The following PLCH2 variants were observed in gnomAD, a reference collection of about 807,000 sequenced individuals.
PLCH2 encodes phospholipase C eta 2.
A neutral mutation model predicts 134.7 loss-of-function variants in PLCH2; 98 were observed. That is an observed-to-expected ratio of 0.73 (90% CI 0.62 to 0.86). The LOEUF is 0.86. Ranked by LOEUF, PLCH2 falls within the 40% of genes least tolerant of loss-of-function variation. The probability of loss-of-function intolerance (pLI) is 0.00; values close to 1 mark genes in which losing one functional copy is unlikely to be tolerated. For synonymous variants in PLCH2, 974 were observed against 827.5 expected (o/e 1.18, Z -3.04); for missense variants, 1,994 against 1,986.6 (o/e 1.00, Z -0.07).
Position 2,498,377 on chromosome 1 carries a change from TG to T in PLCH2, c.2225-144del. 1 of 867,868 alleles carries T rather than the reference TG, an allele frequency of 1.2e-6. No individual in the cohort carries two copies. Among genetic ancestry groups the T allele is most frequent in the Non-Finnish European group, 1.7e-6 (1 of 572,954 alleles). The allele number at this position is 867,868 out of a possible 1,614,324, so 53.8% of individuals were successfully genotyped here. A position where few individuals can be genotyped will look rare whatever the true frequency, so the allele number is the denominator to read the frequency against. On this transcript the variant is annotated intron_variant, in intron 16 of 21. Coordinates refer to ENST00000378486, the MANE Select transcript of PLCH2 (RefSeq NM_014638.4). The surrounding 1 kb of genome is among the most constrained non-coding windows in gnomAD (Gnocchi z 5.4). ...CCAGGTGCACCCCGAGGTGCCCCCC[TG>T]GACCACTGCCTCCCTCCCTCCCCCT...
intron 10 of PLCH2, among the ~76,000 whole-genome samples, chr1:2,490,983 C>T (rs552761046): frequency 6.6e-6 from 1 of 152,346 alleles, no homozygotes; most frequent in East Asian, 1.9e-4. Context: ...ACAGGCTCTG[C>T]TGGGGGCCGC....
At chr1:2,456,231 C>T (rs1009657679) in intron 2 of PLCH2, among the ~76,000 whole-genome samples, 12 of 152,130 alleles carry the variant, frequency 7.9e-5, no homozygotes, top group African/African-American at 1.2e-4. Context: ...CAGTTTCTCC[C>T]GGGCCTTTGT....
At chr1:2,433,399 C>T (rs908079000) in intron 2 of PLCH2, among the ~76,000 whole-genome samples, 12 of 152,188 alleles carry the variant, frequency 7.9e-5, no homozygotes, top group East Asian at 1.9e-4. Flanking sequence ...GAGGCCCATC[C>T]GGGCCGGTGT....
chr1:2,465,735 G>A (rs1998759), upstream of PLCH2, among the ~76,000 whole-genome samples: 45,843 of 152,142 alleles, frequency 0.3, 7,094 homozygotes, highest in Admixed American at 0.38. Flanking sequence ...CGCAGGCCGC[G>A]GTGACGGAAA....
Position 2,484,449 on chromosome 1 carries a change from A to C in PLCH2, c.647A>C (p.Glu216Ala), listed in dbSNP as rs1372133136. ...GGGACCCAAGGCCTTGCATTGCAGGAAGCGGACACGGATGACCACCAAGGG... is the reference window on the plus strand; with the variant it reads ...GGGACCCAAGGCCTTGCATTGCAGGCAGCGGACACGGATGACCACCAAGGG... ...PRQRVKQMFR[E>A]ADTDDHQGTL... is the part of the protein sequence containing the mutation. The change falls in exon 5 of 22, where the codon GAA becomes GCA. Residue 216 changes from glutamate (E) to alanine (A), a missense_variant and splice_region_variant. Around this residue, in one of 2 missense-constraint regions of PLCH2, gnomAD observed 1,094 missense variants for 1,234.3 expected, o/e 0.89. Coordinates refer to ENST00000378486, the MANE Select transcript of PLCH2 (RefSeq NM_014638.4). 1 of 1,613,076 alleles carries C rather than the reference A, an allele frequency of 6.2e-7. No individual in the cohort carries two copies. Among genetic ancestry groups the C allele is most frequent in the Non-Finnish European group, 8.5e-7 (1 of 1,179,682 alleles).
intron 2 of PLCH2, among the ~76,000 whole-genome samples, chr1:2,478,897 G>A (rs769719644): frequency 1.3e-5 from 2 of 152,146 alleles, no homozygotes; most frequent in African/African-American, 2.4e-5. Context: ...GGAAGGAGGG[G>A]CACAGCATAG....
In PLCH2 at chr1:2,497,061, C is replaced by T. The variant is rs572197839; in HGVS notation, c.2116+51C>T. On this transcript the variant is annotated intron_variant, in intron 15 of 21. Transcript: ENST00000378486. ...TGTGGTGGGGAGGGCTCGGCTCAGA[C>T]GGTCCCTGAAGCCCAAGGGGCGAGC... is the stretch of plus-strand genomic sequence containing the variant. 108 of 1,564,086 alleles carry T rather than the reference C, an allele frequency of 6.9e-5. 1 individual carries two copies. Among genetic ancestry groups the T allele is most frequent in the Admixed American group, 3.3e-4 (18 of 54,992 alleles).
At chr1:2,479,602 T>C (rs1326810100) in intron 2 of PLCH2, 132 bp from the exon 3 acceptor site, 3 of 881,944 alleles carry the variant, frequency 3.4e-6, no homozygotes, top group Non-Finnish European at 1.7e-6. Context: ...CTCTGGACCC[T>C]GAGCCCTGCC....
the PLCH2 span, among the ~76,000 whole-genome samples, chr1:2,418,397 G>A: frequency 6.6e-6 from 1 of 152,168 alleles, no homozygotes; most frequent in Non-Finnish European, 1.5e-5. Context: ...CTCCTGCAGC[G>A]AGCTCTGGGG....
intron 12 of PLCH2, among the ~76,000 whole-genome samples, 191 bp from the exon 13 acceptor site, chr1:2,495,297 A>C (rs1371801647): frequency 6.6e-6 from 1 of 152,118 alleles, no homozygotes; most frequent in Non-Finnish European, 1.5e-5. Flanking sequence ...GGCTGCCCTG[A>C]GAGTCTGCCA....
chr1:2,486,982 G>C lies in PLCH2; in HGVS notation c.892G>C (p.Gly298Arg). Reference protein sequence around the residue: ...FEPCPENKSKGLLGIDGFTNY... With the variant: ...FEPCPENKSKRLLGIDGFTNY... ...GCCATGCCCAGAAAACAAGAGTAAG[G>C]GGCTGCTGGGCATTGATGGTGAGTG... Residue 298 changes from glycine to arginine, a missense_variant, in exon 6 of 22, where the codon GGG (glycine) becomes CGG (arginine). This residue lies in a region of PLCH2 where 1,094 missense variants were observed against 1,234.3 expected (regional missense o/e 0.89). Coordinates refer to ENST00000378486, the MANE Select transcript of PLCH2 (RefSeq NM_014638.4). 1 of 1,601,532 alleles carries C rather than the reference G, an allele frequency of 6.2e-7. No homozygotes were observed. Among genetic ancestry groups the C allele is most frequent in the African/African-American group, 1.3e-5 (1 of 74,770 alleles).
At position 2,504,433 on chromosome 1, in the gene PLCH2, C is replaced by T. The variant is rs200369249; in HGVS notation, c.3471C>T (p.Asp1157=). ...TGTCATCCAGCGACACTGTCATTGA[C>T]CTCTCCCTGCCCAGCCTGGGCCTGG... is the stretch of plus-strand genomic sequence containing the variant. The part of the protein sequence containing the change: ...SSMSSSDTVI[D]LSLPSLGLGR... Residue 1157 remains aspartate (D), a synonymous_variant, in exon 22 of 22, where the codon GAC becomes GAT. Transcript: ENST00000378486. 211 of 1,612,510 alleles carry T rather than the reference C, an allele frequency of 1.3e-4. No individual in the cohort carries two copies. Among genetic ancestry groups the T allele is most frequent in the Middle Eastern group, 6.6e-4 (4 of 6,084 alleles).
chr1:2,472,033 C>G (rs377358743), upstream of PLCH2, among the ~76,000 whole-genome samples: 1 of 152,172 alleles, frequency 6.6e-6, no homozygotes, highest in African/African-American at 2.4e-5. Flanking sequence ...CGGGCACTTG[C>G]CCTTGGTTCC....
chr1:2,427,131 GGTAGCAGGGAA>G (rs1211505086), intron 1 of PLCH2, among the ~76,000 whole-genome samples: 1 of 152,236 alleles, frequency 6.6e-6, no homozygotes, highest in Non-Finnish European at 1.5e-5. Flanking sequence ...CGGAAGTCAG[GGTAGCAGGGAA>G]GTAGCAGGAG....
chr1:2,480,512 G>C (rs1037294723), intron 4 of PLCH2, among the ~76,000 whole-genome samples, 200 bp downstream of exon 4: 1 of 152,218 alleles, frequency 6.6e-6, no homozygotes, highest in African/African-American at 2.4e-5. Flanking sequence ...GCAGGTGGGT[G>C]CCCAGGTGCT....
chr1:2,487,047 G>A, intron 6 of PLCH2, 47 bp downstream of exon 6: 3 of 1,535,884 alleles, frequency 2.0e-6, no homozygotes, highest in Non-Finnish European at 2.7e-6. Flanking sequence ...GATGCTGGAG[G>A]GGCAACGAGG....
At chr1:2,479,120 G>C (rs1441068238) in intron 2 of PLCH2, 2 of 170,152 alleles carry the variant, frequency 1.2e-5, no homozygotes, top group Non-Finnish European at 2.6e-5. Flanking sequence ...CCACGGTTTG[G>C]GGAGAGACAT....
intron 20 of PLCH2, 106 bp from the exon 21 acceptor site, chr1:2,502,006 C>T (rs946348557): frequency 9.4e-6 from 10 of 1,058,714 alleles, no homozygotes; most frequent in East Asian, 5.9e-5. Context: ...CGGACCGAGA[C>T]ACGCATGGCA....
rs532528941 is a variant in PLCH2, at chr1:2,426,679, G to A, written c.-178+642G>A. Among the ~76,000 whole-genome samples, 9 of 152,338 alleles carry A rather than the reference G, an allele frequency of 5.9e-5. No homozygotes were observed. The South Asian group carries it at 1.0e-3, about 18-fold the overall frequency. Reference sequence around the variant, plus strand: ...CCCTCCATGAAGCTGGCCCCTGAGCGCAGATGTGCAGGCTGGCATTCCTGC... The same window carrying A: ...CCCTCCATGAAGCTGGCCCCTGAGCACAGATGTGCAGGCTGGCATTCCTGC... On this transcript the variant is annotated intron_variant, in intron 1 of 3. Coordinates refer to the PLCH2 transcript ENST00000609981.
Sources: gnomAD v4.1 joint callset for allele counts (sites outside exome capture counted in the v4.1 genomes callset) on GRCh38, gnomAD v4.1.1 for gene constraint, gnomAD v4.1.1 regional missense constraint, Gnocchi (gnomAD v3.1) non-coding constraint, MANE v1.5 for transcripts, NCBI Gene and HGNC (gene_info 2026-07-23, HGNC 2026-07-21) for gene names.